The following MICA variants were observed in gnomAD, a reference collection of about 807,000 sequenced individuals.
MICA encodes HLA class I antigen.
MICA carries 18 observed loss-of-function variants against 34.3 expected under a neutral mutation model. The observed-to-expected ratio is 0.52, with a 90% confidence interval of 0.36 to 0.78. The LOEUF (loss-of-function observed/expected upper bound fraction) is 0.78, where lower values mean the gene tolerates loss of function less well. Ranked by LOEUF, MICA falls within the 30% of genes least tolerant of loss-of-function variation. The pLI, the probability that MICA is intolerant of heterozygous loss-of-function variation, is 0.00. For missense variants in MICA, 333 were observed against 409.4 expected, an observed-to-expected ratio of 0.81 and a Z score of 1.61; for synonymous variants, 135 against 156.9, an observed-to-expected ratio of 0.86 and a Z score of 1.04.
At chr6:31,408,516 A>G (rs1770873656) in intron 1 of MICA, among the ~76,000 whole-genome samples, 1 of 150,754 alleles carries the variant, frequency 6.6e-6, no homozygotes, top group Non-Finnish European at 1.5e-5. Flanking sequence ...CGGTGGCATT[A>G]GATACATTCA....
chr6:31,411,876 G>T lies in MICA; in HGVS notation c.614-71G>T. 1 of 1,544,672 alleles carries T rather than the reference G, an allele frequency of 6.5e-7. No homozygotes were observed. Among genetic ancestry groups the T allele is most frequent in the Non-Finnish European group, 8.7e-7 (1 of 1,147,050 alleles). ...TCAGCCAGAGTGAGAACAGTGAAGA[G>T]AAACAGCCCTGTTCCTCTCCCCTCC... is the stretch of plus-strand genomic sequence containing the variant. On this transcript the variant is annotated intron_variant, in intron 3 of 5. Transcript: ENST00000449934. This position sits in a 1 kb window ranked among gnomAD's most constrained non-coding sequence, Gnocchi z 4.3.
At chr6:31,407,267 A>T (rs1770798796) in intron 1 of MICA, among the ~76,000 whole-genome samples, 2 of 151,372 alleles carry the variant, frequency 1.3e-5, no homozygotes, top group African/African-American at 4.9e-5. Context: ...ATGGAGTTTC[A>T]CTCTTGTTGC....
At chr6:31,402,129 T>C (rs1035316293), upstream of MICA, 2 of 151,988 alleles carry the variant, frequency 1.3e-5, no homozygotes, top group African/African-American at 4.8e-5. Flanking sequence ...TTCCTTTTTT[T>C]CTTTTTTCTT....
intron 5 of MICA, among the ~76,000 whole-genome samples, chr6:31,413,764 G>T (rs555629807): frequency 1.8e-4 from 28 of 151,900 alleles, no homozygotes; most frequent in Non-Finnish European, 2.9e-4. Context: ...GGCGTCTCCC[G>T]TAGAGGGATT....
chr6:31,405,307 C>T (rs1271075381), intron 1 of MICA, among the ~76,000 whole-genome samples: 1 of 151,212 alleles, frequency 6.6e-6, no homozygotes, highest in Non-Finnish European at 1.5e-5. Context: ...CACTGCTCCC[C>T]CTCCAGCATT....
chr6:31,405,319 C>T (rs1056011683), intron 1 of MICA, among the ~76,000 whole-genome samples: 7 of 151,224 alleles, frequency 4.6e-5, no homozygotes, highest in Non-Finnish European at 1.0e-4. Context: ...TCCAGCATTA[C>T]TCCTTTTGGC....
At chr6:31,410,184 T>C (rs975346037) in intron 1 of MICA, among the ~76,000 whole-genome samples, 2 of 151,802 alleles carry the variant, frequency 1.3e-5, no homozygotes, top group South Asian at 2.1e-4. Context: ...CCTGAGTCCC[T>C]TCCCATTCCC....
At chr6:31,407,474 G>T (rs537712964) in intron 1 of MICA, among the ~76,000 whole-genome samples, 2 of 151,916 alleles carry the variant, frequency 1.3e-5, no homozygotes, top group Non-Finnish European at 1.5e-5. Context: ...GACCTCAGGT[G>T]ATCCACCTGC....
chr6:31,412,050 G>A lies in MICA; in HGVS notation c.717G>A (p.Trp239Ter). The part of the protein sequence containing the change: ...SFYPRNIILT[W>*]RQDGVSLSHD... ...ATCCCCGGAATATCATACTGACCTG[G>A]CGTCAGGATGGGGTATCTTTGAGCC... The change falls in exon 4 of 6, where the codon TGG becomes TGA. Residue 239 changes from tryptophan to a stop codon, truncating the protein, a stop_gained. Coordinates refer to ENST00000449934, the MANE Select transcript of MICA (RefSeq NM_001177519.3). LOFTEE classifies it high-confidence loss of function. 1.2e-6 allele frequency: 2 copies of A among 1,613,060 alleles called. No homozygotes were observed. The highest frequency in any genetic ancestry group is 2.2e-5 in the East Asian group (1 of 44,796).
chr6:31,404,833 A>G (rs184351163), intron 1 of MICA, among the ~76,000 whole-genome samples: 1,613 of 149,914 alleles, frequency 0.011, 53 homozygotes, highest in African/African-American at 0.036. Context: ...CCACTCCTTC[A>G]TCCTCAGCCT....
At chr6:31,404,139 C>A (rs1056278214) in intron 1 of MICA, among the ~76,000 whole-genome samples, 7 of 151,656 alleles carry the variant, frequency 4.6e-5, no homozygotes, top group Non-Finnish European at 7.4e-5. Context: ...CCGGAGCCGA[C>A]GTGTTCTCAG....
At chr6:31,409,023 CAAT>C (rs140180279) in intron 1 of MICA, among the ~76,000 whole-genome samples, 1 of 147,910 alleles carries the variant, frequency 6.8e-6, no homozygotes, top group Non-Finnish European at 1.5e-5. Flanking sequence ...AAAAATAAAA[CAAT>C]AATAATAATA....
At position 31,412,495 on chromosome 6, in the gene MICA, G is replaced by A. The variant is rs773246010; in HGVS notation, c.*29+35G>A. On this transcript the variant is annotated intron_variant, in intron 5 of 5. Transcript: ENST00000449934. ...GCGGGCAGTTTCTGGAGATGGTAAG[G>A]CCCCTGTCTGGGCAGTAGGGTCCCC... 5.9e-6 allele frequency: 8 copies of A among 1,367,482 alleles called. No homozygotes were observed. In the South Asian group the frequency reaches 8.9e-5, roughly 15 times the overall value. The allele number at this position is 1,367,482 out of a possible 1,614,324, so 84.7% of individuals were successfully genotyped here.
At chr6:31,409,274 G>A (rs1364929050) in intron 1 of MICA, among the ~76,000 whole-genome samples, 6 of 146,874 alleles carry the variant, frequency 4.1e-5, no homozygotes, top group Non-Finnish European at 9.0e-5. Context: ...AGTACACAGG[G>A]GCTTCATTTT....
intron 5 of MICA, among the ~76,000 whole-genome samples, chr6:31,414,218 G>A (rs1771377046): frequency 6.6e-6 from 1 of 151,950 alleles, no homozygotes; most frequent in Non-Finnish European, 1.5e-5. Context: ...TCCACATGGA[G>A]AAAATCCCTT....
chr6:31,402,803 G>A (rs36223353), upstream of MICA, among the ~76,000 whole-genome samples: 1,435 of 151,212 alleles, frequency 9.5e-3, 24 homozygotes, highest in Middle Eastern at 0.079. Flanking sequence ...GACTATGGTC[G>A]GAGGTACAGA....
intron 1 of MICA, among the ~76,000 whole-genome samples, chr6:31,408,114 G>A (rs780138248): frequency 3.3e-4 from 50 of 151,930 alleles, no homozygotes; most frequent in Middle Eastern, 6.8e-3. Context: ...ACTGGCTTTT[G>A]TCCTTTATTC....
Position 31,411,418 on chromosome 6 carries a change from TC to T in MICA, c.613+62del. ...CCAATTCTGCTAGAGTTGCCTCACC[TC>T]CCAGATGTGTCCAGGGAAACCCTCC... On this transcript the variant is annotated intron_variant, in intron 3 of 5. Transcript: ENST00000449934. This position sits in a 1 kb window ranked among gnomAD's most constrained non-coding sequence, Gnocchi z 4.3. The T allele has an allele frequency of 6.8e-7, 1 of 1,476,074 alleles. No homozygotes were observed. Among genetic ancestry groups the T allele is most frequent in the Non-Finnish European group, 9.1e-7 (1 of 1,101,148 alleles). The allele number at this position is 1,476,074 out of a possible 1,614,324, so 91.4% of individuals were successfully genotyped here.
At chr6:31,410,937 A>T (rs3819275) in intron 2 of MICA, 135 bp from the exon 3 acceptor site, 92,039 of 1,466,032 alleles carry the variant, frequency 0.063, 3,467 homozygotes, top group East Asian at 0.11. Flanking sequence ...CTCAGCAGGG[A>T]GGTGAGCCGG....
Sources: allele counts gnomAD v4.1 joint callset (sites outside exome capture counted in the v4.1 genomes callset), GRCh38; gene constraint gnomAD v4.1.1; non-coding constraint Gnocchi (gnomAD v3.1); transcripts MANE v1.5; gene names NCBI Gene and HGNC (gene_info 2026-07-23, HGNC 2026-07-21).